Variants in CUL3 observed in about 807,000 individuals in gnomAD.
CUL3 encodes the protein cullin 3.
A neutral mutation model predicts 89.1 loss-of-function variants in CUL3; 19 were observed. That is an observed-to-expected ratio of 0.21 (90% CI 0.15 to 0.31). The LOEUF is 0.31. Ranked by LOEUF, CUL3 falls within the 10% of genes least tolerant of loss-of-function variation. CUL3 has a pLI of 1.00. For synonymous variants in CUL3, 351 were observed against 308.4 expected (o/e 1.14, Z -1.45); for missense variants, 469 against 942.3 (o/e 0.50, Z 6.58).
chr2:224,506,726 T>C, intron 7 of CUL3, 132 bp downstream of exon 7: 1 of 753,962 alleles, frequency 1.3e-6, no homozygotes. Context: ...TGTAGGATAA[T>C]TACAAATATT....
At chr2:224,502,615 G>GA (rs1310067157) in intron 10 of CUL3, among the ~76,000 whole-genome samples, 1 of 152,126 alleles carries the variant, frequency 6.6e-6, no homozygotes, top group Non-Finnish European at 1.5e-5. Flanking sequence ...GGGGTAAAGT[G>GA]AAAAGAAGAG....
At chr2:224,518,856 T>A (rs1329387616) in intron 3 of CUL3, among the ~76,000 whole-genome samples, 4 of 152,246 alleles carry the variant, frequency 2.6e-5, no homozygotes, top group Non-Finnish European at 5.9e-5. Context: ...CTGTCCCAAC[T>A]TTAAGCATAG....
At chr2:224,513,691 C>G (rs1423197452) in intron 4 of CUL3, 53 bp from the exon 5 acceptor site, 2 of 1,289,158 alleles carry the variant, frequency 1.6e-6, no homozygotes, top group Non-Finnish European at 2.2e-6. Flanking sequence ...TAAAAATTCA[C>G]ATAAAAATTA....
In CUL3 at chr2:224,470,189, A is replaced by C. The variant is rs1270719645; in HGVS notation, c.*4056T>G. ...ATTTTAATTTTCCCACATTGCAATAAATCTTGTATGCAATAAAGTTTATTA... is the reference window on the plus strand; with the variant it reads ...ATTTTAATTTTCCCACATTGCAATACATCTTGTATGCAATAAAGTTTATTA... On this transcript the variant is annotated 3_prime_UTR_variant, in exon 16 of 16. Transcript: ENST00000264414. The C allele has an allele frequency of 1.5e-5, 3 of 200,300 alleles. No homozygotes were observed. Among genetic ancestry groups the C allele is most frequent in the African/African-American group, 6.9e-5 (3 of 43,512 alleles). The allele number at this position is 200,300 out of a possible 1,614,324, so 12.4% of individuals were successfully genotyped here.
rs1400835279 is a variant in CUL3, at chr2:224,470,971, TATA to T, written c.*3271_*3273del. 10 of 228,726 alleles carry T rather than the reference TATA, an allele frequency of 4.4e-5. No individual in the cohort carries two copies. Among genetic ancestry groups the T allele is most frequent in the Admixed American group, 2.8e-4 (5 of 17,642 alleles). The allele number at this position is 228,726 out of a possible 1,614,324, so 14.2% of individuals were successfully genotyped here. On this transcript the variant is annotated 3_prime_UTR_variant, in exon 16 of 16. Transcript: ENST00000264414. ...TGCTAGCAACCTTGGACAACACTGG[TATA>T]ATGACAGTTATGTCACATAAAGCCA...
At chr2:224,510,202 T>C (rs1200960838) in intron 6 of CUL3, among the ~76,000 whole-genome samples, 1 of 148,976 alleles carries the variant, frequency 6.7e-6, no homozygotes. Flanking sequence ...ACACAGCAAA[T>C]ATACTAGATG....
chr2:224,558,663 A>G (rs1443653197), intron 1 of CUL3, among the ~76,000 whole-genome samples: 1 of 152,186 alleles, frequency 6.6e-6, no homozygotes, highest in African/African-American at 2.4e-5. Context: ...AACAGAATCG[A>G]CATTTTAACA....
At chr2:224,536,129 T>C (rs1693888697) in intron 2 of CUL3, among the ~76,000 whole-genome samples, 1 of 152,206 alleles carries the variant, frequency 6.6e-6, no homozygotes. Flanking sequence ...TTTCCTTATA[T>C]GTGAAATAGC....
intron 2 of CUL3, 60 bp from the exon 3 acceptor site, chr2:224,535,701 C>A: frequency 1.1e-6 from 1 of 936,634 alleles, no homozygotes; most frequent in Non-Finnish European, 1.7e-6. Flanking sequence ...TATATACAGG[C>A]ATGCACATAT....
chr2:224,571,767 T>G (rs953665498), intron 1 of CUL3, among the ~76,000 whole-genome samples: 3 of 152,178 alleles, frequency 2.0e-5, no homozygotes, highest in African/African-American at 4.8e-5. Context: ...AAAAAGTAAG[T>G]AATTTTTGCA....
At chr2:224,504,998 TG>T (rs1692538553) in intron 8 of CUL3, among the ~76,000 whole-genome samples, 2 of 152,194 alleles carry the variant, frequency 1.3e-5, no homozygotes, top group African/African-American at 4.8e-5. Context: ...ATCCAATTAT[TG>T]TTTGACATAT....
chr2:224,516,796 G>A (rs888261963), intron 3 of CUL3, among the ~76,000 whole-genome samples: 8 of 151,452 alleles, frequency 5.3e-5, no homozygotes, highest in Non-Finnish European at 1.2e-4. Flanking sequence ...ACAGGCACCC[G>A]CCACCATGCC....
intron 2 of CUL3, among the ~76,000 whole-genome samples, chr2:224,542,011 T>C (rs983613280): frequency 4.6e-5 from 7 of 152,184 alleles, no homozygotes; most frequent in Non-Finnish European, 8.8e-5. Flanking sequence ...AATTCAGAGA[T>C]ATATGAAAAT....
intron 3 of CUL3, among the ~76,000 whole-genome samples, chr2:224,516,439 C>T (rs978225244): frequency 6.6e-6 from 1 of 151,436 alleles, no homozygotes; most frequent in East Asian, 1.9e-4. Context: ...GCCTCAGCCT[C>T]GTGAGTACCT....
At chr2:224,582,007 C>G (rs1373530187) in intron 1 of CUL3, among the ~76,000 whole-genome samples, 1 of 151,980 alleles carries the variant, frequency 6.6e-6, no homozygotes, top group Non-Finnish European at 1.5e-5. Context: ...TTTTGTTGCC[C>G]AGGCTGGAGT....
chr2:224,483,927 C>T (rs1248701276), intron 13 of CUL3, among the ~76,000 whole-genome samples: 5 of 152,130 alleles, frequency 3.3e-5, no homozygotes, highest in African/African-American at 2.4e-5. Flanking sequence ...CGGTTGCTCA[C>T]GCCTGTAATC....
rs568992792 is a variant in CUL3 at position 224,540,574 on chromosome 2, C to G, written c.265-4933G>C. Among the ~76,000 whole-genome samples the G allele has an allele frequency of 2.9e-4, 44 of 152,218 alleles. 1 individual carries two copies. Among genetic ancestry groups the G allele is most frequent in the Admixed American group, 3.9e-4 (6 of 15,294 alleles). ...TCCAGGACTAGGAAACCACTGGCTC[C>G]CACACTAGCCATTTCTGTCTCTTCC... On this transcript the variant is annotated intron_variant, in intron 2 of 15. Coordinates refer to ENST00000264414, the MANE Select transcript of CUL3 (RefSeq NM_003590.5).
At chr2:224,559,345 C>G (rs1574695635) in intron 1 of CUL3, among the ~76,000 whole-genome samples, 1 of 150,076 alleles carries the variant, frequency 6.7e-6, no homozygotes, top group Non-Finnish European at 1.5e-5. Context: ...TCCCAGCTAC[C>G]CGGGAGGCTG....
chr2:224,471,141 T>C lies in CUL3; in HGVS notation c.*3104A>G. On this transcript the variant is annotated 3_prime_UTR_variant, in exon 16 of 16. Transcript: ENST00000264414. ...TCTAATTTTGCTGACCTGAAATGTT[T>C]TAACATTCGTATTTACAGAATGCAA... The C allele has an allele frequency of 4.6e-6, 1 of 216,518 alleles. No individual in the cohort carries two copies. Among genetic ancestry groups the C allele is most frequent in the East Asian group, 6.9e-5 (1 of 14,450 alleles). The allele number at this position is 216,518 out of a possible 1,614,324, so 13.4% of individuals were successfully genotyped here. A position where few individuals can be genotyped will look rare whatever the true frequency, so the allele number is the denominator to read the frequency against.
Sources: gnomAD v4.1 joint callset for allele counts (sites outside exome capture counted in the v4.1 genomes callset) on GRCh38, gnomAD v4.1.1 for gene constraint, MANE v1.5 for transcripts, NCBI Gene and HGNC (gene_info 2026-07-23, HGNC 2026-07-21) for gene names.